Variants in GMDS observed in about 807,000 individuals in gnomAD.
GMDS encodes GDP-mannose 4,6 dehydratase.
In GMDS, 20 loss-of-function variants were observed where a neutral mutation model predicts 49.9. The observed-to-expected ratio is 0.40, with a 90% confidence interval of 0.28 to 0.58. The LOEUF (loss-of-function observed/expected upper bound fraction) is 0.58. Among genes scored for constraint, GMDS ranks in the 20% least tolerant of loss-of-function variants. GMDS has a pLI of 0.42. For synonymous variants in GMDS, 177 were observed against 178.6 expected, an observed-to-expected ratio of 0.99 and a Z score of 0.07; for missense variants, 362 against 481.4, an observed-to-expected ratio of 0.75 and a Z score of 2.32.
chr6:1,775,229 C>G (rs2016052), intron 7 of GMDS, among the ~76,000 whole-genome samples: 71,902 of 151,940 alleles, frequency 0.47, 18,742 homozygotes, highest in African/African-American at 0.69. Context: ...ATCTTCTTTA[C>G]TCATACAACA....
chr6:1,663,622 C>G (rs1198282333), intron 9 of GMDS, among the ~76,000 whole-genome samples: 2 of 152,158 alleles, frequency 1.3e-5, no homozygotes, highest in Non-Finnish European at 2.9e-5. Context: ...CTGCTTGTGG[C>G]TACTGCCCTC....
chr6:1,701,846 T>G (rs1484424520), intron 9 of GMDS, among the ~76,000 whole-genome samples: 1 of 152,198 alleles, frequency 6.6e-6, no homozygotes, highest in African/African-American at 2.4e-5. Flanking sequence ...TGTTTACTGA[T>G]GACAGGTATG....
chr6:1,761,293 G>T (rs963464495), intron 7 of GMDS, among the ~76,000 whole-genome samples: 5 of 152,080 alleles, frequency 3.3e-5, no homozygotes, highest in Admixed American at 1.3e-4. Flanking sequence ...AGCCTACAAT[G>T]AATTAACACT....
intron 4 of GMDS, among the ~76,000 whole-genome samples, chr6:2,049,707 T>C (rs921696185): frequency 1.3e-5 from 2 of 152,036 alleles, no homozygotes; most frequent in East Asian, 1.9e-4. Flanking sequence ...TGATGACAGA[T>C]AAAAAGGTTA....
chr6:2,077,052 A>C (rs551951547), intron 4 of GMDS, among the ~76,000 whole-genome samples: 3 of 152,170 alleles, frequency 2.0e-5, no homozygotes, highest in African/African-American at 7.2e-5. Context: ...TTTAATAGCT[A>C]GTGTAAATAG....
rs1472268185 is a variant in GMDS, at chr6:2,245,419, C to T, written c.4G>A (p.Ala2Thr). The T allele has an allele frequency of 4.0e-6, 6 of 1,493,300 alleles. No individual in the cohort carries two copies. The African/African-American group carries it at 7.3e-5, about 18-fold the overall frequency. The allele number at this position is 1,493,300 out of a possible 1,614,324, so 92.5% of individuals were successfully genotyped here. A position where few individuals can be genotyped will look rare whatever the true frequency, so the allele number is the denominator to read the frequency against. Residue 2 changes from alanine (A) to threonine (T), a missense_variant, in exon 1 of 11, where the codon GCA becomes ACA. By Grantham distance (58) the Ala-to-Thr change is moderately conservative (BLOSUM62 0). Coordinates refer to ENST00000380815, the MANE Select transcript of GMDS (RefSeq NM_001500.4). ...CTGGGGCAGCGTGCCGGTGCGTGTG[C>T]CATGTCCCGCGGCGGGCGTGCGGTC... Reference protein sequence around the residue: MAHAPARCPSAR... With the variant: MTHAPARCPSAR...
chr6:1,819,096 T>C (rs1369314069), intron 7 of GMDS, among the ~76,000 whole-genome samples: 2 of 152,042 alleles, frequency 1.3e-5, no homozygotes, highest in Admixed American at 6.6e-5. Flanking sequence ...ACTGACAGAC[T>C]GCAATCTAGA....
chr6:2,175,821 T>C lies in GMDS; in HGVS notation c.103-51090A>G, dbSNP rs974992633. The C allele has an allele frequency of 1.1e-4, 72 of 667,764 alleles. No homozygotes were observed. In the African/African-American group the frequency reaches 1.1e-3, roughly 11 times the overall value. 41.4% of individuals were successfully genotyped at this position (667,764 alleles called of 1,614,324 possible). A position where few individuals can be genotyped will look rare whatever the true frequency, so the allele number is the denominator to read the frequency against. On this transcript the variant is annotated intron_variant, in intron 1 of 10. Coordinates refer to ENST00000380815, the MANE Select transcript of GMDS (RefSeq NM_001500.4). ...TTTATATAGCCCTTAAAACATGTTGTAAGCACCTTATGCATGAACCCACGT... is the reference window on the plus strand; with the variant it reads ...TTTATATAGCCCTTAAAACATGTTGCAAGCACCTTATGCATGAACCCACGT...
At chr6:2,016,052 A>ACAGAC (rs111857394) in intron 4 of GMDS, among the ~76,000 whole-genome samples, 1 of 143,726 alleles carries the variant, frequency 7.0e-6, no homozygotes, top group African/African-American at 2.6e-5. Context: ...AGCCTAGGCA[A>ACAGAC]CAAAACCCTG....
chr6:2,221,015 G>A (rs1177230483), intron 1 of GMDS, among the ~76,000 whole-genome samples: 1 of 152,070 alleles, frequency 6.6e-6, no homozygotes, highest in African/African-American at 2.4e-5. Context: ...CGTCTATACA[G>A]AAATTTTTTA....
chr6:2,225,100 G>A (rs1161113525), intron 1 of GMDS, among the ~76,000 whole-genome samples: 5 of 151,658 alleles, frequency 3.3e-5, no homozygotes, highest in Non-Finnish European at 5.9e-5. Context: ...TGGGTGGATC[G>A]CTTGGGCCCA....
chr6:1,750,992 A>G (rs1257915870), intron 7 of GMDS, among the ~76,000 whole-genome samples: 1 of 152,164 alleles, frequency 6.6e-6, no homozygotes, highest in Non-Finnish European at 1.5e-5. Context: ...ACAGCTTGGC[A>G]AAGCTGCTGT....
chr6:1,810,192 G>A (rs551272209), intron 7 of GMDS, among the ~76,000 whole-genome samples: 2 of 152,318 alleles, frequency 1.3e-5, no homozygotes, highest in East Asian at 3.9e-4. Flanking sequence ...CTGTCACAGA[G>A]CAGCCCCAGG....
intron 7 of GMDS, among the ~76,000 whole-genome samples, chr6:1,831,658 T>C (rs3800084): frequency 0.2 from 30,179 of 152,164 alleles, 3,109 homozygotes; most frequent in Admixed American, 0.26. Flanking sequence ...CTAACCTTTT[T>C]AGGTTTTTTA....
intron 7 of GMDS, among the ~76,000 whole-genome samples, chr6:1,861,731 GT>G (rs1487892584): frequency 1.3e-5 from 2 of 152,306 alleles, no homozygotes; most frequent in East Asian, 3.9e-4. Flanking sequence ...TCCTGACCTG[GT>G]GTCGTGGCCT....
chr6:1,924,351 T>C (rs1393816672), intron 7 of GMDS, among the ~76,000 whole-genome samples: 2 of 152,192 alleles, frequency 1.3e-5, no homozygotes, highest in East Asian at 3.9e-4. Context: ...GGGTTACCAG[T>C]AGGACCCTTC....
At chr6:1,770,328 C>G (rs1768529356) in intron 7 of GMDS, among the ~76,000 whole-genome samples, 1 of 152,232 alleles carries the variant, frequency 6.6e-6, no homozygotes, top group African/African-American at 2.4e-5. Flanking sequence ...AGTGATCTTT[C>G]ACTCACTGAT....
chr6:1,745,990 A>G lies in GMDS; in HGVS notation c.772-3404T>C, dbSNP rs538659808. Reference sequence around the variant, plus strand: ...AGGAGACAAAGGCCCCTGTGTGAGAAGGACGCAGCCATCCGCCTCCTTATA... The same window carrying G: ...AGGAGACAAAGGCCCCTGTGTGAGAGGGACGCAGCCATCCGCCTCCTTATA... On this transcript the variant is annotated intron_variant, in intron 7 of 10. Transcript: ENST00000380815. Among the ~76,000 whole-genome samples the G allele has an allele frequency of 5.9e-5, 9 of 152,310 alleles. No homozygotes were observed. The South Asian group carries it at 1.2e-3, about 21-fold the overall frequency.
rs968916563 is a variant in GMDS, at chr6:1,656,778, A to G, written c.988-32238T>C. Among the ~76,000 whole-genome samples the G allele has an allele frequency of 4.0e-5, 6 of 151,898 alleles. No homozygotes were observed. The South Asian group carries it at 1.2e-3, about 32-fold the overall frequency. On this transcript the variant is annotated intron_variant, in intron 9 of 10. Transcript: ENST00000380815. ...GACTCTGTCTCAAAAAAAAAAAAAAATTACATCTTCTGGATCTGGGCTTGG... is the reference window on the plus strand; with the variant it reads ...GACTCTGTCTCAAAAAAAAAAAAAAGTTACATCTTCTGGATCTGGGCTTGG...
Sources: allele counts gnomAD v4.1 joint callset (sites outside exome capture counted in the v4.1 genomes callset), GRCh38; gene constraint gnomAD v4.1.1; transcripts MANE v1.5; gene names NCBI Gene and HGNC (gene_info 2026-07-23, HGNC 2026-07-21).